The following CLK3 variants were observed in gnomAD, a reference collection of about 807,000 sequenced individuals.
The protein encoded by CLK3 is dual specificity protein kinase CLK3.
A neutral mutation model predicts 65.2 loss-of-function variants in CLK3; 24 were observed. The ratio of observed to expected loss-of-function variants is 0.37; its 90% CI spans 0.27 to 0.52. The LOEUF is 0.52. CLK3 is among the 20% of genes least tolerant of loss of function. The pLI, the probability that CLK3 is intolerant of heterozygous loss-of-function variation, is 0.92. For missense variants in CLK3, 506 were observed against 660.0 expected (o/e 0.77, Z 2.56); for synonymous variants, 252 against 240.8 (o/e 1.05, Z -0.43).
chr15:74,615,918 C>CGCGGCGGCGACAGCGGCG lies in CLK3; in HGVS notation c.-1+29_-1+46dup. 1.6e-6 allele frequency: 2 copies of CGCGGCGGCGACAGCGGCG among 1,243,170 alleles called. No individual in the cohort carries two copies. The highest frequency in any genetic ancestry group is 3.6e-5 in the South Asian group (1 of 27,586). The allele number at this position is 1,243,170 out of a possible 1,614,324, so 77.0% of individuals were successfully genotyped here. A position where few individuals can be genotyped will look rare whatever the true frequency, so the allele number is the denominator to read the frequency against. On this transcript the variant is annotated intron_variant, in intron 1 of 12. Coordinates refer to ENST00000395066, the MANE Select transcript of CLK3 (RefSeq NM_001130028.2). Reference sequence around the variant, plus strand: ...GAGACGGTAAGTGTGGGCTGGGGTCCGCGGCGGCGACAGCGGCGGCGGCGG... The same window carrying CGCGGCGGCGACAGCGGCG: ...GAGACGGTAAGTGTGGGCTGGGGTCCGCGGCGGCGACAGCGGCGGCGGCGGCGACAGCGGCGGCGGCGG...
At chr15:74,614,924 CCGGGGACGCCACT>C (rs2062038120), upstream of CLK3, 1 of 153,072 alleles carries the variant, frequency 6.5e-6, no homozygotes, top group South Asian at 2.1e-4. Context: ...GCTCGCGAGG[CCGGGGACGCCACT>C]CCCAGACCGG....
At chr15:74,611,462 C>T (rs2061989028), upstream of CLK3, among the ~76,000 whole-genome samples, 4 of 152,250 alleles carry the variant, frequency 2.6e-5, no homozygotes, top group Admixed American at 2.0e-4. Context: ...GCCTCTGCAG[C>T]ACCAGGGCTT....
Position 74,627,066 on chromosome 15 carries a change from G to A in CLK3, c.818-286G>A. 1.9e-6 allele frequency: 1 copy of A among 533,198 alleles called. No individual in the cohort carries two copies. Among genetic ancestry groups the A allele is most frequent in the South Asian group, 1.5e-5 (1 of 65,360 alleles). The allele number at this position is 533,198 out of a possible 1,614,324, so 33.0% of individuals were successfully genotyped here. A position where few individuals can be genotyped will look rare whatever the true frequency, so the allele number is the denominator to read the frequency against. ...GTTGCTGTAGCTCTGCTGAGAGACA[G>A]GTGAGGAGGCCTGGTCTCTGCAGAG... On this transcript the variant is annotated intron_variant, in intron 7 of 12. Coordinates refer to ENST00000395066, the MANE Select transcript of CLK3 (RefSeq NM_001130028.2). The surrounding 1 kb of genome is among the most constrained non-coding windows in gnomAD (Gnocchi z 4.3).
intron 2 of CLK3, 101 bp downstream of exon 2, chr15:74,619,449 T>A (rs764401719): frequency 1.5e-6 from 2 of 1,307,530 alleles, no homozygotes; most frequent in Non-Finnish European, 2.1e-6. Flanking sequence ...TGCCCAGCTG[T>A]CCCTGGATCC....
Position 74,624,521 on chromosome 15 carries a change from C to T in CLK3, c.534-381C>T, listed in dbSNP as rs1332998772. On this transcript the variant is annotated intron_variant, in intron 5 of 12. Transcript: ENST00000395066. This position sits in a 1 kb window ranked among gnomAD's most constrained non-coding sequence, Gnocchi z 4.2. ...GGTCAAGAGGCGCCGCAGGAGGGTT[C>T]TCGGTGGGACAGCCTGGCCAGGGTT... 4.5e-6 allele frequency: 1 copy of T among 219,938 alleles called. No individual in the cohort carries two copies. Among genetic ancestry groups the T allele is most frequent in the African/African-American group, 2.2e-5 (1 of 44,652 alleles). The allele number at this position is 219,938 out of a possible 1,614,324, so 13.6% of individuals were successfully genotyped here.
chr15:74,620,543 A>G, intron 3 of CLK3: 1 of 467,764 alleles, frequency 2.1e-6, no homozygotes, highest in Non-Finnish European at 3.9e-6. Context: ...ACTTCTTAGG[A>G]CACTTCTTAG....
chr15:74,628,011 T>C lies in CLK3; in HGVS notation c.1084T>C (p.Cys362Arg). 1 of 1,614,006 alleles carries C rather than the reference T, an allele frequency of 6.2e-7. No individual in the cohort carries two copies. Among genetic ancestry groups the C allele is most frequent in the Non-Finnish European group, 8.5e-7 (1 of 1,179,850 alleles). The part of the protein sequence containing the change: ...AQPCDVWSIG[C>R]ILFEYYRGFT... ...GCCCTGTGACGTCTGGAGCATTGGC[T>C]GCATTCTCTTTGAGTACTACCGGGG... The change falls in exon 10 of 13, where the codon TGC becomes CGC. Residue 362 changes from cysteine (C) to arginine (R), a missense_variant. This residue lies in a region of CLK3 where 325 missense variants were observed against 500.5 expected (regional missense o/e 0.65). Coordinates refer to ENST00000395066, the MANE Select transcript of CLK3 (RefSeq NM_001130028.2).
chr15:74,628,951 A>G lies in CLK3; in HGVS notation c.1215A>G (p.Lys405=), dbSNP rs2062167846. Reference sequence around the variant, plus strand: ...CCCCCTTAATTTTCAGGAAGCAGAAATATTTCTACAAAGGGGGCCTAGTTT... The same window carrying G: ...CCCCCTTAATTTTCAGGAAGCAGAAGTATTTCTACAAAGGGGGCCTAGTTT... ...SHMIHRTRKQ[K]YFYKGGLVWD... The change falls in exon 12 of 13, where the codon AAA becomes AAG. Residue 405 remains lysine, a synonymous_variant. Transcript: ENST00000395066. The G allele has an allele frequency of 1.2e-6, 2 of 1,612,740 alleles. No individual in the cohort carries two copies. Among genetic ancestry groups the G allele is most frequent in the Non-Finnish European group, 1.7e-6 (2 of 1,178,818 alleles).
In CLK3 at chr15:74,622,528, T is replaced by A; in HGVS notation, c.501T>A (p.Phe167Leu). Residue 167 changes from phenylalanine (F) to leucine (L), a missense_variant, in exon 5 of 13, where the codon TTT becomes TTA. Phe to Leu is a conservative substitution (Grantham distance 22). Transcript: ENST00000395066. This position sits in a 1 kb window ranked among gnomAD's most constrained non-coding sequence, Gnocchi z 4.6. Reference sequence around the variant, plus strand: ...TGGGGAACCTGGGTGAAGGCACCTTTGGCAAGGTGGTGGAGTGCTTGGACC... The same window carrying A: ...TGGGGAACCTGGGTGAAGGCACCTTAGGCAAGGTGGTGGAGTGCTTGGACC... ...EIVGNLGEGTFGKVVECLDHA... is the reference protein window; with the variant it reads ...EIVGNLGEGTLGKVVECLDHA... 1 of 1,613,402 alleles carries A rather than the reference T, an allele frequency of 6.2e-7. No individual in the cohort carries two copies.
chr15:74,625,858 T>G lies in CLK3; in HGVS notation c.707T>G (p.Phe236Cys). 1 of 1,614,140 alleles carries G rather than the reference T, an allele frequency of 6.2e-7. No homozygotes were observed. ...FNFHGHMCIA[F>C]ELLGKNTFEF... ...TTCCACGGTCACATGTGCATCGCCT[T>G]TGAGCTCCTGGGCAAGAACACCTTT... The change falls in exon 7 of 13, where the codon TTT becomes TGT. Residue 236 changes from phenylalanine (F) to cysteine (C), a missense_variant. By Grantham distance (205) the Phe-to-Cys change is radical (BLOSUM62 -2). Coordinates refer to ENST00000395066, the MANE Select transcript of CLK3 (RefSeq NM_001130028.2).
chr15:74,615,416 C>T, upstream of CLK3: 1 of 1,262,696 alleles, frequency 7.9e-7, no homozygotes, highest in Non-Finnish European at 1.0e-6. Context: ...GGCACACAGA[C>T]CTCAGGCCGC....
rs377299531 is a variant in CLK3 at position 74,628,589 on chromosome 15, C to G, written c.1126-15C>G. On this transcript the variant is annotated splice_polypyrimidine_tract_variant and intron_variant, in intron 10 of 12. Coordinates refer to ENST00000395066, the MANE Select transcript of CLK3 (RefSeq NM_001130028.2). ...CTAGTACTGACCCCCTTGCACTGTC[C>G]CTAATCTTCCACAGACCCACGAAAA... 2 of 1,607,446 alleles carry G rather than the reference C, an allele frequency of 1.2e-6. No homozygotes were observed. The highest frequency in any genetic ancestry group is 1.7e-6 in the Non-Finnish European group (2 of 1,175,268).
intron 6 of CLK3, 113 bp from the exon 7 acceptor site, chr15:74,625,689 C>T: frequency 9.3e-7 from 1 of 1,077,608 alleles, no homozygotes; most frequent in Non-Finnish European, 1.4e-6. Context: ...TATCTGCATT[C>T]TGGTGTGTGA....
Position 74,622,134 on chromosome 15 carries a change from C to T in CLK3, c.384C>T (p.Ser128=). The T allele has an allele frequency of 6.2e-7, 1 of 1,614,112 alleles. No homozygotes were observed. Among genetic ancestry groups the T allele is most frequent in the Non-Finnish European group, 8.5e-7 (1 of 1,179,988 alleles). Residue 128 remains serine, a synonymous_variant, in exon 4 of 13, where the codon AGC becomes AGT. Coordinates refer to ENST00000395066, the MANE Select transcript of CLK3 (RefSeq NM_001130028.2). The surrounding 1 kb of genome is among the most constrained non-coding windows in gnomAD (Gnocchi z 4.6). ...CSSASSRSQQ[S]SKRSSRSVED... ...GGTGCATGCAGAGAAGCCAACAGAGCAGTAAGCGCAGCAGCCGGAGTGTGG... is the reference window on the plus strand; with the variant it reads ...GGTGCATGCAGAGAAGCCAACAGAGTAGTAAGCGCAGCAGCCGGAGTGTGG...
Position 74,627,215 on chromosome 15 carries a change from T to C in CLK3, c.818-137T>C, listed in dbSNP as rs1336803468. 14 of 758,310 alleles carry C rather than the reference T, an allele frequency of 1.8e-5. No homozygotes were observed. The highest frequency in any genetic ancestry group is 2.4e-6 in the Non-Finnish European group (1 of 419,674). The allele number at this position is 758,310 out of a possible 1,614,324, so 47.0% of individuals were successfully genotyped here. A position where few individuals can be genotyped will look rare whatever the true frequency, so the allele number is the denominator to read the frequency against. On this transcript the variant is annotated intron_variant, in intron 7 of 12. Transcript: ENST00000395066. The surrounding 1 kb of genome is among the most constrained non-coding windows in gnomAD (Gnocchi z 4.3). Reference sequence around the variant, plus strand: ...GAGGGAGGCCAGCACAGAGGCAGGCTGTAGTCCAGCTCCCTGCTGAGGTGG... The same window carrying C: ...GAGGGAGGCCAGCACAGAGGCAGGCCGTAGTCCAGCTCCCTGCTGAGGTGG...
Position 74,627,131 on chromosome 15 carries a change from C to T in CLK3, c.818-221C>T, listed in dbSNP as rs1049798713. ...GGTTTTTCGAATGGCAAATTTCTTT[C>T]CTACCCCCCTGCTAAAGTATCAGAA... On this transcript the variant is annotated intron_variant, in intron 7 of 12. Transcript: ENST00000395066. The surrounding 1 kb of genome is among the most constrained non-coding windows in gnomAD (Gnocchi z 4.3). The T allele has an allele frequency of 3.1e-6, 2 of 653,454 alleles. No homozygotes were observed. The highest frequency in any genetic ancestry group is 5.7e-6 in the Non-Finnish European group (2 of 353,156). The allele number at this position is 653,454 out of a possible 1,614,324, so 40.5% of individuals were successfully genotyped here.
rs796860142 is a variant in CLK3, at chr15:74,624,129, C to G, written c.534-773C>G. ...ACGCCCTTCCAGGCTAGGACTGTCT[C>G]GTTCCCCACTGGGCATCTGAATTCT... is the stretch of plus-strand genomic sequence containing the variant. On this transcript the variant is annotated intron_variant, in intron 5 of 12. Coordinates refer to ENST00000395066, the MANE Select transcript of CLK3 (RefSeq NM_001130028.2). The surrounding 1 kb of genome is among the most constrained non-coding windows in gnomAD (Gnocchi z 4.2). 2 of 152,266 alleles carry G rather than the reference C, an allele frequency of 1.3e-5. No individual in the cohort carries two copies. Among genetic ancestry groups the G allele is most frequent in the Non-Finnish European group, 2.9e-5 (2 of 68,074 alleles). The allele number at this position is 152,266 out of a possible 1,614,324, so 9.4% of individuals were successfully genotyped here.
chr15:74,618,960 A>G (rs1057215595), intron 1 of CLK3: 10 of 462,012 alleles, frequency 2.2e-5, no homozygotes, highest in African/African-American at 2.0e-4. Flanking sequence ...CCACCAGGCT[A>G]GTGATGCTCT....
chr15:74,620,281 C>T (rs1013836659), intron 3 of CLK3, 56 bp downstream of exon 3: 2 of 1,602,370 alleles, frequency 1.2e-6, no homozygotes, highest in Admixed American at 1.7e-5. Context: ...CTCTTCCTAG[C>T]CTTCTCTCAG....
Sources: allele counts gnomAD v4.1 joint callset (sites outside exome capture counted in the v4.1 genomes callset), GRCh38; gene constraint gnomAD v4.1.1; regional missense constraint gnomAD v4.1.1; non-coding constraint Gnocchi (gnomAD v3.1); transcripts MANE v1.5; gene names NCBI Gene and HGNC (gene_info 2026-07-23, HGNC 2026-07-21).